The following ABCB5 variants were observed in gnomAD, a reference collection of about 807,000 sequenced individuals.
ABCB5 encodes ATP-binding cassette sub-family B member 5.
In ABCB5, 155 loss-of-function variants were observed where a neutral mutation model predicts 144.2. The observed-to-expected ratio is 1.08, with a 90% CI of 0.94 to 1.23. The LOEUF is 1.23. Among genes scored for constraint, ABCB5 ranks in the 50% most tolerant of loss-of-function variants. ABCB5 has a pLI of 0.00. For missense variants in ABCB5, 1,830 were observed against 1,520.8 expected (o/e 1.20, Z -3.38); for synonymous variants, 610 against 528.6 (o/e 1.15, Z -2.11).
intron 23 of ABCB5, among the ~76,000 whole-genome samples, chr7:20,736,034 T>C (rs1782369056): frequency 6.6e-6 from 1 of 152,234 alleles, no homozygotes; most frequent in Non-Finnish European, 1.5e-5. Flanking sequence ...CTCTGGGTTG[T>C]ATATGGATGA....
chr7:20,699,800 C>A, intron 17 of ABCB5, 25 bp from the exon 18 acceptor site: 2 of 1,477,788 alleles, frequency 1.4e-6, no homozygotes, highest in South Asian at 1.2e-5. Flanking sequence ...CCCCAAACAC[C>A]TGATAAAAAT....
At chr7:20,682,087 C>G (rs1562560062) in intron 15 of ABCB5, among the ~76,000 whole-genome samples, 1 of 152,236 alleles carries the variant, frequency 6.6e-6, no homozygotes, top group East Asian at 1.9e-4. Context: ...TGCCTGCAAT[C>G]CCAGCTACTC....
chr7:20,739,505 T>C (rs1309373257), intron 24 of ABCB5, among the ~76,000 whole-genome samples: 1 of 151,950 alleles, frequency 6.6e-6, no homozygotes, highest in African/African-American at 2.4e-5. Flanking sequence ...AAAATAATTT[T>C]ATGGCTGCAA....
rs185005502 is a variant in ABCB5, at chr7:20,755,801, C to G, written c.*177C>G. The G allele has an allele frequency of 5.4e-5, 33 of 612,092 alleles. No homozygotes were observed. Among genetic ancestry groups the G allele is most frequent in the Non-Finnish European group, 6.8e-5 (25 of 365,734 alleles). The allele number at this position is 612,092 out of a possible 1,614,324, so 37.9% of individuals were successfully genotyped here. On this transcript the variant is annotated 3_prime_UTR_variant, in exon 28 of 28. Coordinates refer to ENST00000404938, the MANE Select transcript of ABCB5 (RefSeq NM_001163941.2). ...TGACCTTCAGATTTTTAAAAGGAAGCAAAAATTTGCTTATTTCATGTAAGT... is the reference window on the plus strand; with the variant it reads ...TGACCTTCAGATTTTTAAAAGGAAGGAAAAATTTGCTTATTTCATGTAAGT...
At chr7:20,650,169 A>G (rs1330407798) in intron 12 of ABCB5, 22 bp downstream of exon 12, 1 of 1,611,940 alleles carries the variant, frequency 6.2e-7, no homozygotes. Context: ...TAGCAAAACC[A>G]TGCACAGTCC....
At position 20,742,927 on chromosome 7, in the gene ABCB5, A is replaced by G. The variant is rs761810917; in HGVS notation, c.3075A>G (p.Pro1025=). 6.2e-7 allele frequency: 1 copy of G among 1,614,160 alleles called. No homozygotes were observed. ...LEFREVSFFY[P]CRPDVFILRG... is the part of the protein sequence containing the mutation. ...TTCGAGAAGTCTCTTTCTTCTATCCATGTCGCCCAGATGTTTTCATCCTCC... is the reference window on the plus strand; with the variant it reads ...TTCGAGAAGTCTCTTTCTTCTATCCGTGTCGCCCAGATGTTTTCATCCTCC... The change falls in exon 25 of 28, where the codon CCA becomes CCG. Residue 1025 remains proline, a synonymous_variant. Transcript: ENST00000404938.
chr7:20,674,445 C>G (rs1029232388), intron 14 of ABCB5, among the ~76,000 whole-genome samples: 1 of 151,744 alleles, frequency 6.6e-6, no homozygotes, highest in Non-Finnish European at 1.5e-5. Flanking sequence ...CTCACTGTCT[C>G]CTTTCTTGCA....
At chr7:20,647,381 T>C (rs1018582028) in intron 9 of ABCB5, 154 bp from the exon 10 acceptor site, 2 of 1,375,780 alleles carry the variant, frequency 1.5e-6, no homozygotes, top group Admixed American at 3.4e-5. Flanking sequence ...AAGTGTAATC[T>C]GTGTTCTTTT....
chr7:20,645,700 C>A, intron 7 of ABCB5, 56 bp from the exon 8 acceptor site: 2 of 1,582,518 alleles, frequency 1.3e-6, no homozygotes, highest in South Asian at 1.2e-5. Flanking sequence ...CTTAAATGTT[C>A]AGAACATTAT....
Position 20,636,653 on chromosome 7 carries a change from T to A in ABCB5, c.314+4540T>A, listed in dbSNP as rs1407054692. On this transcript the variant is annotated intron_variant, in intron 5 of 27. Coordinates refer to ENST00000404938, the MANE Select transcript of ABCB5 (RefSeq NM_001163941.2). ...TACAAAAATTAGCTGGGCATGGTGG[T>A]GGGCACCTGTAGTCCCAGCTACTCG... Among the ~76,000 whole-genome samples, 6 of 151,688 alleles carry A rather than the reference T, an allele frequency of 4.0e-5. No homozygotes were observed. In the Middle Eastern group the frequency reaches 0.014, roughly 344 times the overall value.
chr7:20,741,783 C>T (rs1322961318), intron 24 of ABCB5, among the ~76,000 whole-genome samples: 1 of 152,156 alleles, frequency 6.6e-6, no homozygotes, highest in East Asian at 1.9e-4. Flanking sequence ...TACCACCACA[C>T]ACACATGCAC....
intron 16 of ABCB5, among the ~76,000 whole-genome samples, chr7:20,690,614 G>C (rs1786185913): frequency 6.6e-6 from 1 of 152,186 alleles, no homozygotes; most frequent in Non-Finnish European, 1.5e-5. Context: ...AGAGTAAGAT[G>C]AGGGAAAGCA....
chr7:20,617,499 G>A (rs976735944), intron 1 of ABCB5, among the ~76,000 whole-genome samples: 2 of 152,062 alleles, frequency 1.3e-5, no homozygotes, highest in African/African-American at 4.8e-5. Context: ...CTTGGATTTA[G>A]GAAGATAAAA....
rs578033893 is a variant in ABCB5 at position 20,745,613 on chromosome 7, C to T, written c.3429+175C>T. Among the ~76,000 whole-genome samples, 9 of 152,298 alleles carry T rather than the reference C, an allele frequency of 5.9e-5. No individual in the cohort carries two copies. In the South Asian group the frequency reaches 8.3e-4, roughly 14 times the overall value. On this transcript the variant is annotated intron_variant, in intron 26 of 27. Transcript: ENST00000404938. ...TGCGAAAAACCAAGTTTGAGATTTT[C>T]GTGTGACGATTTTCCTACGACCAAA...
At chr7:20,681,745 G>A (rs2128039147) in intron 15 of ABCB5, 79 bp downstream of exon 15, 28 of 1,502,084 alleles carry the variant, frequency 1.9e-5, no homozygotes, top group Non-Finnish European at 2.4e-5. Context: ...AACAAAAGTT[G>A]CAAATTATAA....
At chr7:20,688,070 G>A (rs957167017) in intron 16 of ABCB5, among the ~76,000 whole-genome samples, 1 of 151,756 alleles carries the variant, frequency 6.6e-6, no homozygotes, top group Non-Finnish European at 1.5e-5. Flanking sequence ...GCACATGCCT[G>A]TAATCCTAGC....
rs188077604 is a variant in ABCB5, at chr7:20,741,000, G to A, written c.3024+1861G>A. On this transcript the variant is annotated intron_variant, in intron 24 of 27. Transcript: ENST00000404938. ...TGCCTGTCACCCCAGCTGCTCGGGA[G>A]GCCGAGGCAGGAGGATCGCTTGAAC... 1.2e-3 allele frequency among the ~76,000 whole-genome samples: 183 copies of A among 151,870 alleles called. 2 individuals carry two copies. Among genetic ancestry groups the A allele is most frequent in the African/African-American group, 4.3e-3 (179 of 41,402 alleles).
chr7:20,668,605 G>C (rs1583411990), intron 14 of ABCB5, among the ~76,000 whole-genome samples: 1 of 138,940 alleles, frequency 7.2e-6, no homozygotes, highest in African/African-American at 2.7e-5. Context: ...GGGGGGGTCA[G>C]CCCCCCGCCC....
chr7:20,727,908 C>T (rs896741069), intron 22 of ABCB5, among the ~76,000 whole-genome samples: 7 of 152,190 alleles, frequency 4.6e-5, no homozygotes, highest in African/African-American at 7.2e-5. Flanking sequence ...CTTTTGGACT[C>T]ATACTTGTAG....
Sources: gnomAD v4.1 joint callset for allele counts (sites outside exome capture counted in the v4.1 genomes callset) on GRCh38, gnomAD v4.1.1 for gene constraint, MANE v1.5 for transcripts, NCBI Gene and HGNC (gene_info 2026-07-23, HGNC 2026-07-21) for gene names.